Variants in PIP observed in about 807,000 individuals in gnomAD.
The protein encoded by PIP is prolactin induced protein, also known as prolactin-inducible protein.
A neutral mutation model predicts 12.8 loss-of-function variants in PIP; 9 were observed. That is an observed-to-expected ratio of 0.70 (90% confidence interval 0.42 to 1.23). PIP has a LOEUF of 1.23. Among genes scored for constraint, PIP ranks in the 50% most tolerant of loss-of-function variants. The pLI is 0.00. For missense variants in PIP, 172 were observed against 179.5 expected (o/e 0.96, Z 0.24); for synonymous variants, 60 against 66.1 (o/e 0.91, Z 0.45).
At chr7:143,138,578 G>A (rs1283952858) in intron 2 of PIP, among the ~76,000 whole-genome samples, 1 of 152,152 alleles carries the variant, frequency 6.6e-6, no homozygotes, top group African/African-American at 2.4e-5. Context: ...TGAGGAAAGT[G>A]AGAGTGAGAG....
At chr7:143,138,216 T>TA (rs545765823) in intron 2 of PIP, among the ~76,000 whole-genome samples, 73 of 152,238 alleles carry the variant, frequency 4.8e-4, no homozygotes, top group Middle Eastern at 6.8e-3. Flanking sequence ...CTCCTTGTGA[T>TA]AAAATCACAC....
chr7:143,134,220 AT>A lies in PIP; in HGVS notation c.96-973del, dbSNP rs1563015834. Among the ~76,000 whole-genome samples the A allele has an allele frequency of 3.1e-3, 348 of 112,488 alleles. 13 individuals are homozygous for A. The highest frequency in any genetic ancestry group is 9.6e-3 in the Middle Eastern group (2 of 208). 73.8% of individuals were successfully genotyped at this position (112,488 alleles called of 152,430 possible). On this transcript the variant is annotated intron_variant, in intron 1 of 3. Transcript: ENST00000291009. ...TATATATATATATATATATATATATATATATATATATATACCACAGTTTCTT... is the reference window on the plus strand; with the variant it reads ...TATATATATATATATATATATATATAATATATATATATACCACAGTTTCTT...
chr7:143,134,716 A>G (rs1403214699), intron 1 of PIP, among the ~76,000 whole-genome samples: 1 of 152,032 alleles, frequency 6.6e-6, no homozygotes, highest in Non-Finnish European at 1.5e-5. Flanking sequence ...GGATGTTATC[A>G]GGAAGTGGCA....
At chr7:143,138,511 A>G (rs1263265717) in intron 2 of PIP, among the ~76,000 whole-genome samples, 1 of 152,134 alleles carries the variant, frequency 6.6e-6, no homozygotes, top group African/African-American at 2.4e-5. Flanking sequence ...TACATTCAAG[A>G]TGTTATTTGC....
chr7:143,139,736 A>G lies in PIP; in HGVS notation c.*94A>G, dbSNP rs527820084. On this transcript the variant is annotated 3_prime_UTR_variant, in exon 4 of 4. Transcript: ENST00000291009. ...TGGTCTATAAAATAAACTTCTTAAC[A>G]TGCTTCTCCATGTTCTGTTGTATCT... The G allele has an allele frequency of 1.7e-6, 2 of 1,190,322 alleles. No homozygotes were observed. The highest frequency in any genetic ancestry group is 1.5e-5 in the African/African-American group (1 of 66,026). The allele number at this position is 1,190,322 out of a possible 1,614,324, so 73.7% of individuals were successfully genotyped here. A position where few individuals can be genotyped will look rare whatever the true frequency, so the allele number is the denominator to read the frequency against.
chr7:143,138,148 A>C (rs1275800245), intron 2 of PIP, among the ~76,000 whole-genome samples: 2 of 152,098 alleles, frequency 1.3e-5, no homozygotes, highest in South Asian at 4.1e-4. Flanking sequence ...AAGGTAGTAC[A>C]TTCAGGCTGT....
At chr7:143,134,451 T>C (rs540791474) in intron 1 of PIP, among the ~76,000 whole-genome samples, 2 of 151,558 alleles carry the variant, frequency 1.3e-5, no homozygotes, top group Non-Finnish European at 3.0e-5. Flanking sequence ...TTTTACATAG[T>C]GGTTGTAGCA....
rs559205798 is a variant in PIP at position 143,133,830 on chromosome 7, T to A, written c.96-1364T>A. Among the ~76,000 whole-genome samples, 3 of 151,968 alleles carry A rather than the reference T, an allele frequency of 2.0e-5. No homozygotes were observed. The East Asian group carries it at 5.8e-4, about 29-fold the overall frequency. On this transcript the variant is annotated intron_variant, in intron 1 of 3. Coordinates refer to ENST00000291009, the MANE Select transcript of PIP (RefSeq NM_002652.3). ...TTTAAAATTTTTTATTATTTTATTT[T>A]ATTTTTCCATAAGTTACTGGGGTAC...
chr7:143,134,768 G>C (rs1799287963), intron 1 of PIP, among the ~76,000 whole-genome samples: 1 of 151,770 alleles, frequency 6.6e-6, no homozygotes, highest in Admixed American at 6.6e-5. Flanking sequence ...CTTGTTTTTG[G>C]TCAATGGAAG....
intron 2 of PIP, among the ~76,000 whole-genome samples, chr7:143,137,186 C>T (rs1457846797): frequency 6.6e-6 from 1 of 151,948 alleles, no homozygotes; most frequent in Non-Finnish European, 1.5e-5. Flanking sequence ...AAAAACAATG[C>T]TTAAACATTT....
chr7:143,132,222 C>A lies in PIP; in HGVS notation c.95+11C>A, dbSNP rs139746314. On this transcript the variant is annotated intron_variant, in intron 1 of 3. Transcript: ENST00000291009. ...AGCTCAGGACAACACGTGAGCCATG[C>A]CCTTCTCCTCCCCACAAAAAAAATT... 208 of 1,612,196 alleles carry A rather than the reference C, an allele frequency of 1.3e-4. No individual in the cohort carries two copies. The African/African-American group carries it at 2.6e-3, about 20-fold the overall frequency.
At chr7:143,135,401 A>T in intron 2 of PIP, 102 bp downstream of exon 2, 1 of 558,178 alleles carries the variant, frequency 1.8e-6, no homozygotes, top group Non-Finnish European at 3.3e-6. Context: ...GTACTTAATG[A>T]AACATTCTCA....
chr7:143,134,220 ATATATATATATATAC>A (rs1799277825), intron 1 of PIP, among the ~76,000 whole-genome samples: 10 of 112,490 alleles, frequency 8.9e-5, no homozygotes, highest in African/African-American at 3.1e-4. Context: ...ATATATATAT[ATATATATATATATAC>A]CACAGTTTCT....
chr7:143,133,890 T>C lies in PIP; in HGVS notation c.96-1304T>C, dbSNP rs190847128. 5.7e-3 allele frequency among the ~76,000 whole-genome samples: 868 copies of C among 151,688 alleles called. 39 individuals carry two copies. Among genetic ancestry groups the C allele is most frequent in the Admixed American group, 0.052 (797 of 15,194 alleles). ...TTGGTTACATGAGTAAGTTCTTTAG[T>C]GGTGATGAGATTTTGGTGCACCCAT... On this transcript the variant is annotated intron_variant, in intron 1 of 3. Transcript: ENST00000291009.
chr7:143,132,778 G>T (rs538038612), intron 1 of PIP, among the ~76,000 whole-genome samples: 1 of 152,192 alleles, frequency 6.6e-6, no homozygotes, highest in South Asian at 2.1e-4. Flanking sequence ...GAGAGCACAG[G>T]TTCAGAAGTC....
chr7:143,135,871 G>T (rs1799304662), intron 2 of PIP, among the ~76,000 whole-genome samples: 1 of 152,012 alleles, frequency 6.6e-6, no homozygotes, highest in African/African-American at 2.4e-5. Context: ...CCCACGTTCA[G>T]AAGTCCAATC....
chr7:143,139,020 C>T, intron 2 of PIP, 55 bp from the exon 3 acceptor site: 1 of 930,350 alleles, frequency 1.1e-6, no homozygotes, highest in Non-Finnish European at 1.8e-6. Context: ...TTTTCCCTCC[C>T]TTACCCATTC....
At chr7:143,134,879 T>C (rs376552268) in intron 1 of PIP, among the ~76,000 whole-genome samples, 6 of 152,176 alleles carry the variant, frequency 3.9e-5, no homozygotes, top group African/African-American at 1.2e-4. Context: ...GTATCTTTTC[T>C]AAATAATGAC....
Position 143,132,120 on chromosome 7 carries a change from C to A in PIP, c.4C>A (p.Arg2Ser). ...ATTGCCTTCTGTTTTCTCCAGCATG[C>A]GCTTGCTCCAGCTCCTGTTCAGGGC... is the stretch of plus-strand genomic sequence containing the variant. MRLLQLLFRASP... is the reference protein window; with the variant it reads MSLLQLLFRASP... Residue 2 changes from arginine (R) to serine (S), a missense_variant, in exon 1 of 4, where the codon CGC becomes AGC. Transcript: ENST00000291009. The A allele has an allele frequency of 4.3e-6, 7 of 1,612,592 alleles. No homozygotes were observed. The highest frequency in any genetic ancestry group is 5.9e-6 in the Non-Finnish European group (7 of 1,178,704).
Sources: allele counts gnomAD v4.1 joint callset (sites outside exome capture counted in the v4.1 genomes callset), GRCh38; gene constraint gnomAD v4.1.1; transcripts MANE v1.5; gene names NCBI Gene and HGNC (gene_info 2026-07-23, HGNC 2026-07-21).